Variants in SOX5 observed in about 807,000 individuals in gnomAD.
SOX5 encodes SRY-box transcription factor 5.
Under a neutral mutation model 92.0 loss-of-function variants are expected in SOX5, and 9 were observed. The ratio of observed to expected loss-of-function variants is 0.10; its 90% CI spans 0.06 to 0.17. SOX5 has a LOEUF of 0.17. Ranked by LOEUF, SOX5 falls within the 10% of genes least tolerant of loss-of-function variation. The probability of loss-of-function intolerance (pLI) is 1.00; values close to 1 mark genes in which losing one functional copy is unlikely to be tolerated. For missense variants in SOX5, 642 were observed against 944.5 expected, an observed-to-expected ratio of 0.68 and a Z score of 4.20; for synonymous variants, 344 against 336.3, an observed-to-expected ratio of 1.02 and a Z score of -0.25.
intron 9 of SOX5, among the ~76,000 whole-genome samples, chr12:23,581,892 A>G (rs1199419391): frequency 1.3e-5 from 2 of 151,710 alleles, no homozygotes; most frequent in East Asian, 3.9e-4. Flanking sequence ...ATGATTGAAA[A>G]AATATATATA....
chr12:24,224,276 G>T (rs747467700), intron 3 of SOX5, among the ~76,000 whole-genome samples: 19 of 152,144 alleles, frequency 1.2e-4, no homozygotes, highest in Non-Finnish European at 2.5e-4. Flanking sequence ...AAGCAATTTT[G>T]ATTACTTAGA....
At position 24,218,191 on chromosome 12, in the gene SOX5, A is replaced by G. The variant is rs113994309; in HGVS notation, c.-76-4774T>C. ...TGTGTATACATATGTTCAAAGCAGC[A>G]TTATTTATAATGGTCAAAAGTTACC... is the stretch of plus-strand genomic sequence containing the variant. On this transcript the variant is annotated intron_variant, in intron 3 of 4. Transcript: ENST00000446891. Among the ~76,000 whole-genome samples the G allele has an allele frequency of 8.4e-3, 1,281 of 152,314 alleles. 14 individuals are homozygous for G. The highest frequency in any genetic ancestry group is 0.029 in the African/African-American group (1,220 of 41,572).
intron 4 of SOX5, among the ~76,000 whole-genome samples, chr12:24,126,726 T>C (rs1176390177): frequency 6.6e-6 from 1 of 152,148 alleles, no homozygotes; most frequent in Non-Finnish European, 1.5e-5. Flanking sequence ...TACGGGATGC[T>C]TCACAATCGA....
intron 3 of SOX5, among the ~76,000 whole-genome samples, chr12:23,838,845 G>GGCA (rs1407602969): frequency 1.4e-5 from 1 of 69,772 alleles, no homozygotes; most frequent in Non-Finnish European, 3.0e-5. Context: ...TTTTTTTTTG[G>GGCA]GGGGGGGGGG....
intron 4 of SOX5, among the ~76,000 whole-genome samples, chr12:24,106,773 C>T (rs1445384516): frequency 6.8e-6 from 1 of 147,614 alleles, no homozygotes; most frequent in African/African-American, 2.5e-5. Context: ...GCCTGGGCAA[C>T]AGAGTGAGAC....
chr12:24,355,835 AT>A (rs1954765851), intron 2 of SOX5, among the ~76,000 whole-genome samples: 2 of 152,172 alleles, frequency 1.3e-5, no homozygotes, highest in Admixed American at 1.3e-4. Context: ...AATATAAATA[AT>A]TCCCTTTTAC....
At chr12:24,127,414 T>TAAA (rs1949215146) in intron 4 of SOX5, among the ~76,000 whole-genome samples, 1 of 150,112 alleles carries the variant, frequency 6.7e-6, no homozygotes, top group African/African-American at 2.4e-5. Flanking sequence ...ATGATAATAA[T>TAAA]AATAATAATA....
intron 1 of SOX5, among the ~76,000 whole-genome samples, chr12:24,385,877 A>G (rs1210027647): frequency 7.0e-6 from 1 of 142,632 alleles, no homozygotes; most frequent in Admixed American, 7.6e-5. Flanking sequence ...GGCTGCAGTC[A>G]GCTGTGATCA....
chr12:23,693,382 C>A (rs1452299065), intron 6 of SOX5, among the ~76,000 whole-genome samples: 2 of 152,120 alleles, frequency 1.3e-5, no homozygotes, highest in African/African-American at 4.8e-5. Flanking sequence ...CCTCAGCCTC[C>A]CAAAGTGCTG....
At chr12:23,578,281 T>C (rs1006041186) in intron 9 of SOX5, among the ~76,000 whole-genome samples, 2 of 149,816 alleles carry the variant, frequency 1.3e-5, no homozygotes, top group Non-Finnish European at 3.0e-5. Context: ...CTAGTATGAA[T>C]GAATACTTCT....
At chr12:23,947,889 A>G (rs1037370889) in intron 1 of SOX5, among the ~76,000 whole-genome samples, 7 of 152,096 alleles carry the variant, frequency 4.6e-5, no homozygotes, top group African/African-American at 1.7e-4. Context: ...CTACCTTTTT[A>G]TAAGTACAAT....
chr12:23,876,933 G>T (rs1354399528), intron 2 of SOX5, among the ~76,000 whole-genome samples: 1 of 152,050 alleles, frequency 6.6e-6, no homozygotes, highest in Non-Finnish European at 1.5e-5. Flanking sequence ...TCATAAGTGG[G>T]AATTGAACAA....
intron 4 of SOX5, among the ~76,000 whole-genome samples, chr12:24,028,804 T>C (rs931972641): frequency 6.6e-6 from 1 of 152,014 alleles, no homozygotes; most frequent in African/African-American, 2.4e-5. Context: ...TTGGATGACA[T>C]AATTACAATT....
chr12:24,457,597 G>A (rs1943161515), intron 1 of SOX5, among the ~76,000 whole-genome samples: 1 of 152,128 alleles, frequency 6.6e-6, no homozygotes, highest in African/African-American at 2.4e-5. Flanking sequence ...GTAGTTTTAT[G>A]AGCACCAATT....
At chr12:23,779,405 T>C (rs969103837) in intron 3 of SOX5, among the ~76,000 whole-genome samples, 2 of 149,238 alleles carry the variant, frequency 1.3e-5, no homozygotes, top group African/African-American at 5.0e-5. Flanking sequence ...GTATGTGCCA[T>C]CAAGCACATC....
At chr12:24,417,937 G>C (rs917367272) in intron 1 of SOX5, among the ~76,000 whole-genome samples, 4 of 152,168 alleles carry the variant, frequency 2.6e-5, no homozygotes, top group Admixed American at 2.0e-4. Flanking sequence ...TTTTCACTGA[G>C]CTCATTTAGA....
chr12:24,280,679 G>A (rs539384437), intron 2 of SOX5, among the ~76,000 whole-genome samples: 1 of 152,154 alleles, frequency 6.6e-6, no homozygotes, highest in African/African-American at 2.4e-5. Context: ...AGATACAGCA[G>A]GGACACAATC....
chr12:24,293,199 T>A (rs569341133), intron 2 of SOX5, among the ~76,000 whole-genome samples: 41 of 152,294 alleles, frequency 2.7e-4, no homozygotes, highest in Admixed American at 1.3e-4. Context: ...TAAGGTGATA[T>A]GTGATGGAAG....
intron 4 of SOX5, among the ~76,000 whole-genome samples, chr12:24,206,277 C>T (rs901297201): frequency 6.6e-6 from 1 of 152,078 alleles, no homozygotes. Context: ...TTCTGCATTG[C>T]GTATTTATCT....
Sources: allele counts gnomAD v4.1 joint callset (sites outside exome capture counted in the v4.1 genomes callset), GRCh38; gene constraint gnomAD v4.1.1; transcripts MANE v1.5; gene names NCBI Gene and HGNC (gene_info 2026-07-23, HGNC 2026-07-21).